The following PAK1 variants were observed in gnomAD, a reference collection of about 807,000 sequenced individuals.
The protein encoded by PAK1 is p21 (RAC1) activated kinase 1, also known as serine/threonine-protein kinase PAK 1.
PAK1 carries 29 observed loss-of-function variants against 67.4 expected under a neutral mutation model. That is an observed-to-expected ratio of 0.43 (90% CI 0.32 to 0.59). The LOEUF is 0.59. Ranked by LOEUF, PAK1 falls within the 20% of genes least tolerant of loss-of-function variation. The pLI, the probability that PAK1 is intolerant of heterozygous loss-of-function variation, is 0.07. For synonymous variants in PAK1, 223 were observed against 237.4 expected, an observed-to-expected ratio of 0.94 and a Z score of 0.56; for missense variants, 337 against 670.7, an observed-to-expected ratio of 0.50 and a Z score of 5.50.
At chr11:77,469,179 TGCTGGA>T (rs1957736294) in intron 1 of PAK1, among the ~76,000 whole-genome samples, 1 of 152,198 alleles carries the variant, frequency 6.6e-6, no homozygotes, top group Admixed American at 6.5e-5. Flanking sequence ...AGCACATAGC[TGCTGGA>T]GTCAGGTGCA....
intron 14 of PAK1, among the ~76,000 whole-genome samples, chr11:77,332,099 T>C (rs973997482): frequency 6.6e-6 from 1 of 151,052 alleles, no homozygotes; most frequent in African/African-American, 2.4e-5. Context: ...ACCCAGGAAT[T>C]TGAGACCATG....
chr11:77,363,058 A>T (rs944258322), intron 5 of PAK1, among the ~76,000 whole-genome samples: 2 of 152,118 alleles, frequency 1.3e-5, no homozygotes, highest in East Asian at 3.9e-4. Context: ...CCAGTTAAAA[A>T]CCACCTTGGG....
intron 1 of PAK1, among the ~76,000 whole-genome samples, chr11:77,465,458 A>G (rs1181678007): frequency 6.6e-6 from 1 of 152,124 alleles, no homozygotes; most frequent in Non-Finnish European, 1.5e-5. Flanking sequence ...TAATCTCTAG[A>G]AAGTCCAGGA....
intron 1 of PAK1, chr11:77,408,356 A>G (rs907905747): frequency 1.3e-5 from 2 of 152,266 alleles, no homozygotes; most frequent in East Asian, 1.9e-4. Flanking sequence ...ACATACACAC[A>G]CATACACACG....
intron 1 of PAK1, among the ~76,000 whole-genome samples, chr11:77,450,316 A>C (rs1370761889): frequency 1.3e-5 from 2 of 152,046 alleles, no homozygotes; most frequent in Non-Finnish European, 2.9e-5. Flanking sequence ...ATGCTCCCCA[A>C]CTCTTGTGCA....
intron 1 of PAK1, among the ~76,000 whole-genome samples, chr11:77,438,205 T>C (rs1156903720): frequency 2.0e-5 from 3 of 151,912 alleles, no homozygotes; most frequent in Non-Finnish European, 4.4e-5. Context: ...GCACGTCACA[T>C]AGCCAGAGCA....
At chr11:77,427,940 G>C (rs1048262185) in intron 1 of PAK1, among the ~76,000 whole-genome samples, 6 of 152,164 alleles carry the variant, frequency 3.9e-5, no homozygotes, top group Admixed American at 3.9e-4. Flanking sequence ...GCCAGACAGA[G>C]GAGAGGATAA....
At position 77,379,039 on chromosome 11, in the gene PAK1, C is replaced by T. The variant is rs114998025; in HGVS notation, c.439+202G>A. ...TAATACCATGCTATTTTTAAAAAAA[C>T]GTGTGCAGTGACAGAGTGAAGACTC... On this transcript the variant is annotated intron_variant, in intron 4 of 14. Transcript: ENST00000356341. Among the ~76,000 whole-genome samples, 1,211 of 152,242 alleles carry T rather than the reference C, an allele frequency of 8.0e-3. 22 individuals carry two copies. The highest frequency in any genetic ancestry group is 0.028 in the African/African-American group (1,162 of 41,536).
At chr11:77,327,625 C>A (rs1940336107) in intron 14 of PAK1, among the ~76,000 whole-genome samples, 1 of 152,156 alleles carries the variant, frequency 6.6e-6, no homozygotes, top group Non-Finnish European at 1.5e-5. Flanking sequence ...ACAAGAGCTC[C>A]TGAAGGAAGC....
At chr11:77,492,591 G>C in the PAK1 span, among the ~76,000 whole-genome samples, 1 of 149,180 alleles carries the variant, frequency 6.7e-6, no homozygotes. Flanking sequence ...CTGTCGCCCA[G>C]GTTGCGGTGG....
intron 1 of PAK1, among the ~76,000 whole-genome samples, chr11:77,432,648 A>T (rs1241104672): frequency 6.6e-6 from 1 of 152,034 alleles, no homozygotes; most frequent in Non-Finnish European, 1.5e-5. Flanking sequence ...GCGGAATGAG[A>T]CCCTGTCTCA....
intron 1 of PAK1, among the ~76,000 whole-genome samples, chr11:77,426,630 G>A (rs958021780): frequency 2.6e-5 from 4 of 152,112 alleles, no homozygotes; most frequent in Non-Finnish European, 4.4e-5. Context: ...GCACCAGGCA[G>A]ATGGAATAGT....
intron 1 of PAK1, among the ~76,000 whole-genome samples, chr11:77,406,691 T>C (rs1002305448): frequency 2.0e-5 from 3 of 152,140 alleles, no homozygotes; most frequent in African/African-American, 4.8e-5. Context: ...GGTGGGAGGA[T>C]TGCTTGAGCC....
intron 1 of PAK1, among the ~76,000 whole-genome samples, chr11:77,429,198 T>C (rs1230291707): frequency 2.7e-5 from 4 of 149,272 alleles, no homozygotes; most frequent in Admixed American, 6.7e-5. Flanking sequence ...CAAAGAATGA[T>C]AGGGACATAT....
At chr11:77,490,106 C>T in the PAK1 span, among the ~76,000 whole-genome samples, 12 of 151,916 alleles carry the variant, frequency 7.9e-5, no homozygotes, top group Middle Eastern at 6.8e-3. Flanking sequence ...CGGCCGCGAC[C>T]CCATCTAGGA....
intron 7 of PAK1, among the ~76,000 whole-genome samples, chr11:77,354,271 C>T (rs187444179): frequency 6.6e-6 from 1 of 152,276 alleles, no homozygotes; most frequent in East Asian, 1.9e-4. Context: ...CAAGGTCACA[C>T]AGCAAATTGG....
chr11:77,327,966 GA>G (rs1418630967), intron 14 of PAK1, among the ~76,000 whole-genome samples: 12 of 152,016 alleles, frequency 7.9e-5, no homozygotes, highest in Non-Finnish European at 1.0e-4. Context: ...GAAACCAAAA[GA>G]AGGCAGGGAT....
intron 1 of PAK1, among the ~76,000 whole-genome samples, chr11:77,410,779 G>A (rs1168707236): frequency 6.6e-6 from 1 of 151,956 alleles, no homozygotes; most frequent in Non-Finnish European, 1.5e-5. Flanking sequence ...AAAAACTAGG[G>A]GGAGGAAAGA....
rs1294495868 is a variant in PAK1, at chr11:77,367,070, TA to T, written c.477+7257del. Among the ~76,000 whole-genome samples the T allele has an allele frequency of 3.3e-5, 5 of 152,078 alleles. 1 individual carries two copies. On this transcript the variant is annotated intron_variant, in intron 5 of 14. Coordinates refer to ENST00000356341, the MANE Select transcript of PAK1 (RefSeq NM_002576.5). ...TTACAACATAAAGTTCAAAGCTAAGTAAAAGAAGCAAAACACAAAAGACTAC... is the reference window on the plus strand; with the variant it reads ...TTACAACATAAAGTTCAAAGCTAAGTAAAGAAGCAAAACACAAAAGACTAC...
Sources: gnomAD v4.1 joint callset for allele counts (sites outside exome capture counted in the v4.1 genomes callset) on GRCh38, gnomAD v4.1.1 for gene constraint, MANE v1.5 for transcripts, NCBI Gene and HGNC (gene_info 2026-07-23, HGNC 2026-07-21) for gene names.